Variants in KCNQ1OT1 observed in about 807,000 individuals in gnomAD.
KCNQ1OT1 encodes the protein KCNQ1 opposite strand/antisense transcript 1.
Position 2,694,739 on chromosome 11 carries a change from G to A in KCNQ1OT1, n.5256C>T, listed in dbSNP as rs1433666054. ...GAAGAGATAGGCAGCCAACAAATAA[G>A]TAGATGTCTAAGGAACTAGAAAAGC... On this transcript the variant is annotated non_coding_transcript_exon_variant, in exon 1 of 1. Coordinates refer to ENST00000597346, the Ensembl canonical transcript of KCNQ1OT1. 17 of 398,648 alleles carry A rather than the reference G, an allele frequency of 4.3e-5. No homozygotes were observed. In the East Asian group the frequency reaches 5.0e-4, roughly 12 times the overall value. 24.7% of individuals were successfully genotyped at this position (398,648 alleles called of 1,614,324 possible). A position where few individuals can be genotyped will look rare whatever the true frequency, so the allele number is the denominator to read the frequency against.
rs139142869 is a variant in KCNQ1OT1, at chr11:2,664,226, G to A, written n.35769C>T. 2.5e-6 allele frequency: 1 copy of A among 399,098 alleles called. No homozygotes were observed. Among genetic ancestry groups the A allele is most frequent in the African/African-American group, 2.1e-5 (1 of 48,780 alleles). 24.7% of individuals were successfully genotyped at this position (399,098 alleles called of 1,614,324 possible). A position where few individuals can be genotyped will look rare whatever the true frequency, so the allele number is the denominator to read the frequency against. ...AAGGAGCCCAGGCATGGGGCTTGGGGTGAGGGATCTGAAGAGGGGACTGGG... is the reference window on the plus strand; with the variant it reads ...AAGGAGCCCAGGCATGGGGCTTGGGATGAGGGATCTGAAGAGGGGACTGGG... On this transcript the variant is annotated non_coding_transcript_exon_variant, in exon 1 of 1. Transcript: ENST00000597346. The surrounding 1 kb of genome is among the most constrained non-coding windows in gnomAD (Gnocchi z 5.1).
rs978639203 is a variant in KCNQ1OT1 at position 2,642,459 on chromosome 11, C to T, written n.57536G>A. ...GATTTTTAAATCCTGTAACTGTAAT[C>T]AATTTATTGATCAGACTGAAGAGTT... On this transcript the variant is annotated non_coding_transcript_exon_variant, in exon 1 of 1. Coordinates refer to ENST00000597346, the Ensembl canonical transcript of KCNQ1OT1. The surrounding 1 kb of genome is among the most constrained non-coding windows in gnomAD (Gnocchi z 4.3). 1 of 397,906 alleles carries T rather than the reference C, an allele frequency of 2.5e-6. No individual in the cohort carries two copies. The highest frequency in any genetic ancestry group is 2.1e-5 in the African/African-American group (1 of 48,682). 24.6% of individuals were successfully genotyped at this position (397,906 alleles called of 1,614,324 possible).
exon 1 of KCNQ1OT1, chr11:2,656,888 T>A (rs1213484015): frequency 2.5e-6 from 1 of 398,628 alleles, no homozygotes; most frequent in Non-Finnish European, 4.4e-6. Flanking sequence ...CAAGAATGAA[T>A]TTTTGGTATA....
chr11:2,626,866 ATGT>A lies in KCNQ1OT1; in HGVS notation n.73126_73128del. The A allele has an allele frequency of 2.5e-6, 1 of 398,522 alleles. No individual in the cohort carries two copies. The highest frequency in any genetic ancestry group is 4.4e-6 in the Non-Finnish European group (1 of 226,030). 24.7% of individuals were successfully genotyped at this position (398,522 alleles called of 1,614,324 possible). A position where few individuals can be genotyped will look rare whatever the true frequency, so the allele number is the denominator to read the frequency against. On this transcript the variant is annotated non_coding_transcript_exon_variant, in exon 1 of 1. Transcript: ENST00000597346. This position sits in a 1 kb window ranked among gnomAD's most constrained non-coding sequence, Gnocchi z 4.0. ...CAAATCAGAAAGTGTGAGTCCTCCA[ATGT>A]TGTTCATCATTTTCAAGAATGTTTT...
rs1248876731 is a variant in KCNQ1OT1 at position 2,673,451 on chromosome 11, C to A, written n.26544G>T. On this transcript the variant is annotated non_coding_transcript_exon_variant, in exon 1 of 1. Coordinates refer to ENST00000597346, the Ensembl canonical transcript of KCNQ1OT1. The surrounding 1 kb of genome is among the most constrained non-coding windows in gnomAD (Gnocchi z 4.5). Reference sequence around the variant, plus strand: ...AGGTTCCAACTTGGTGTTGGGCCTCCTTGAGCCGGAACACCTGAAAAGCCA... The same window carrying A: ...AGGTTCCAACTTGGTGTTGGGCCTCATTGAGCCGGAACACCTGAAAAGCCA... 1.3e-5 allele frequency: 5 copies of A among 398,576 alleles called. No homozygotes were observed. Among genetic ancestry groups the A allele is most frequent in the Non-Finnish European group, 2.2e-5 (5 of 226,086 alleles). The allele number at this position is 398,576 out of a possible 1,614,324, so 24.7% of individuals were successfully genotyped here.
chr11:2,610,328 A>T (rs772996840), exon 1 of KCNQ1OT1: 3 of 397,950 alleles, frequency 7.5e-6, no homozygotes, highest in Non-Finnish European at 1.3e-5. Flanking sequence ...TTACATCTTT[A>T]TTATGCGCTA....
rs1393971776 is a variant in KCNQ1OT1 at position 2,670,029 on chromosome 11, C to T, written n.29966G>A. 4 of 398,484 alleles carry T rather than the reference C, an allele frequency of 1.0e-5. No homozygotes were observed. Among genetic ancestry groups the T allele is most frequent in the Non-Finnish European group, 1.8e-5 (4 of 226,100 alleles). 24.7% of individuals were successfully genotyped at this position (398,484 alleles called of 1,614,324 possible). On this transcript the variant is annotated non_coding_transcript_exon_variant, in exon 1 of 1. Coordinates refer to ENST00000597346, the Ensembl canonical transcript of KCNQ1OT1. The surrounding 1 kb of genome is among the most constrained non-coding windows in gnomAD (Gnocchi z 4.9). ...GAGCTGTTGGGGTCCCGTGGAGGTA[C>T]AGGCGGAAACCTAGCACTCACTATT... is the stretch of plus-strand genomic sequence containing the variant.
At chr11:2,693,819 G>A (rs768041347) in exon 1 of KCNQ1OT1, 7 of 398,756 alleles carry the variant, frequency 1.8e-5, no homozygotes, top group Admixed American at 8.8e-5. Flanking sequence ...TAAAGGCACC[G>A]GAAGGAAAGG....
rs1850568717 is a variant in KCNQ1OT1 at position 2,690,383 on chromosome 11, C to G, written n.9612G>C. On this transcript the variant is annotated non_coding_transcript_exon_variant, in exon 1 of 1. Transcript: ENST00000597346. The surrounding 1 kb of genome is among the most constrained non-coding windows in gnomAD (Gnocchi z 5.1). The stretch of plus-strand genomic sequence containing the variant: ...CCACTACTTGGCATGGAACATGTGC[C>G]AGACCAAAAGAGCTATCTCTCTCCC... 5.0e-6 allele frequency: 2 copies of G among 398,696 alleles called. No individual in the cohort carries two copies. Among genetic ancestry groups the G allele is most frequent in the East Asian group, 7.1e-5 (2 of 28,082 alleles). The allele number at this position is 398,696 out of a possible 1,614,324, so 24.7% of individuals were successfully genotyped here. A position where few individuals can be genotyped will look rare whatever the true frequency, so the allele number is the denominator to read the frequency against.
rs1018181208 is a variant in KCNQ1OT1, at chr11:2,670,603, A to G, written n.29392T>C. 5.0e-6 allele frequency: 2 copies of G among 398,372 alleles called. No homozygotes were observed. Among genetic ancestry groups the G allele is most frequent in the East Asian group, 7.1e-5 (2 of 28,058 alleles). The allele number at this position is 398,372 out of a possible 1,614,324, so 24.7% of individuals were successfully genotyped here. On this transcript the variant is annotated non_coding_transcript_exon_variant, in exon 1 of 1. Coordinates refer to ENST00000597346, the Ensembl canonical transcript of KCNQ1OT1. The surrounding 1 kb of genome is among the most constrained non-coding windows in gnomAD (Gnocchi z 4.9). ...GAAGCCAGGGCTCATTCCCAGACAC[A>G]CAATCTCTGGGGGAGCCTGGATATG...
exon 1 of KCNQ1OT1, chr11:2,693,439 C>A (rs1204467021): frequency 5.0e-6 from 2 of 398,552 alleles, no homozygotes; most frequent in African/African-American, 2.1e-5. Context: ...AGGCGCTGGC[C>A]CCCCATCGAG....
chr11:2,641,991 G>A lies in KCNQ1OT1; in HGVS notation n.58004C>T, dbSNP rs182730487. On this transcript the variant is annotated non_coding_transcript_exon_variant, in exon 1 of 1. Coordinates refer to ENST00000597346, the Ensembl canonical transcript of KCNQ1OT1. Reference sequence around the variant, plus strand: ...TCTACTCTGTTCCATTGGTCTATCAGTTTTTATTCCAATACCATGCTGCTT... The same window carrying A: ...TCTACTCTGTTCCATTGGTCTATCAATTTTTATTCCAATACCATGCTGCTT... The A allele has an allele frequency of 2.5e-4, 100 of 398,332 alleles. No homozygotes were observed. In the East Asian group the frequency reaches 2.8e-3, roughly 11 times the overall value. 24.7% of individuals were successfully genotyped at this position (398,332 alleles called of 1,614,324 possible). A position where few individuals can be genotyped will look rare whatever the true frequency, so the allele number is the denominator to read the frequency against.
exon 1 of KCNQ1OT1, chr11:2,656,553 C>T (rs1400049334): frequency 5.0e-6 from 2 of 398,580 alleles, no homozygotes; most frequent in Non-Finnish European, 8.8e-6. Context: ...CACCTTTCCA[C>T]ATGCTCATCA....
exon 1 of KCNQ1OT1, chr11:2,672,765 G>C: frequency 2.5e-6 from 1 of 398,794 alleles, no homozygotes; most frequent in Non-Finnish European, 4.4e-6. Flanking sequence ...AGCATGGCCT[G>C]TCTCCTCCCC....
Position 2,652,876 on chromosome 11 carries a change from T to A in KCNQ1OT1, n.47119A>T. 2.5e-6 allele frequency: 1 copy of A among 398,592 alleles called. No homozygotes were observed. Among genetic ancestry groups the A allele is most frequent in the Non-Finnish European group, 4.4e-6 (1 of 226,100 alleles). The allele number at this position is 398,592 out of a possible 1,614,324, so 24.7% of individuals were successfully genotyped here. On this transcript the variant is annotated non_coding_transcript_exon_variant, in exon 1 of 1. Coordinates refer to ENST00000597346, the Ensembl canonical transcript of KCNQ1OT1. The surrounding 1 kb of genome is among the most constrained non-coding windows in gnomAD (Gnocchi z 5.9). Reference sequence around the variant, plus strand: ...TTGCTATACTTATTCTAAGGAGAAGTGTTTGGGGTGTGGGGTGTGGTCCTC... The same window carrying A: ...TTGCTATACTTATTCTAAGGAGAAGAGTTTGGGGTGTGGGGTGTGGTCCTC...
At chr11:2,622,948 A>G (rs1849199396) in exon 1 of KCNQ1OT1, 1 of 398,612 alleles carries the variant, frequency 2.5e-6, no homozygotes, top group South Asian at 1.3e-4. Flanking sequence ...GGGTTTCTAC[A>G]AATGTGTAAC....
At position 2,687,371 on chromosome 11, in the gene KCNQ1OT1, C is replaced by T. The variant is rs1053405626; in HGVS notation, n.12624G>A. ...TAGCCAGGTCTGCCTTGGGCTGTCA[C>T]TCAGGGCTGAGCTCTGCTGAAGGAT... On this transcript the variant is annotated non_coding_transcript_exon_variant, in exon 1 of 1. Coordinates refer to ENST00000597346, the Ensembl canonical transcript of KCNQ1OT1. This position sits in a 1 kb window ranked among gnomAD's most constrained non-coding sequence, Gnocchi z 5.0. 7 of 398,580 alleles carry T rather than the reference C, an allele frequency of 1.8e-5. No individual in the cohort carries two copies. The highest frequency in any genetic ancestry group is 2.2e-5 in the Non-Finnish European group (5 of 226,118). 24.7% of individuals were successfully genotyped at this position (398,580 alleles called of 1,614,324 possible). A position where few individuals can be genotyped will look rare whatever the true frequency, so the allele number is the denominator to read the frequency against.
Position 2,698,872 on chromosome 11 carries a change from C to T in KCNQ1OT1, n.1123G>A. The T allele has an allele frequency of 2.5e-6, 1 of 398,750 alleles. No homozygotes were observed. The highest frequency in any genetic ancestry group is 6.3e-4 in the Middle Eastern group (1 of 1,590). The allele number at this position is 398,750 out of a possible 1,614,324, so 24.7% of individuals were successfully genotyped here. ...ACTCCAGACCCGGACTGACTGGGAC[C>T]CCAACTACTCAGATCCCAACTCAGG... On this transcript the variant is annotated non_coding_transcript_exon_variant, in exon 1 of 1. Transcript: ENST00000597346. The surrounding 1 kb of genome is among the most constrained non-coding windows in gnomAD (Gnocchi z 5.1).
chr11:2,697,407 C>T, exon 1 of KCNQ1OT1: 1 of 398,540 alleles, frequency 2.5e-6, no homozygotes, highest in South Asian at 1.3e-4. Flanking sequence ...AGGGTATGGC[C>T]AGGATGACAT....
Sources: allele counts gnomAD v4.1 joint callset, GRCh38; gene constraint gnomAD v4.1.1; non-coding constraint Gnocchi (gnomAD v3.1); transcripts MANE v1.5; gene names NCBI Gene and HGNC (gene_info 2026-07-23, HGNC 2026-07-21).